DHRSX: variants seen among roughly 807,000 people sequenced by gnomAD.
DHRSX encodes the protein dehydrogenase/reductase X-linked.
A neutral mutation model predicts 34.0 loss-of-function variants in DHRSX; 31 were observed. The ratio of observed to expected loss-of-function variants is 0.91; its 90% confidence interval spans 0.69 to 1.23. The LOEUF is 1.23. DHRSX is among the 50% of genes most tolerant of loss of function. DHRSX has a pLI of 0.00. For missense variants in DHRSX, 414 were observed against 428.1 expected (o/e 0.97, Z 0.29); for synonymous variants, 201 against 183.8 (o/e 1.09, Z -0.76).
At chrX:2,273,927 G>A (rs1483234230) in intron 4 of DHRSX, among the ~76,000 whole-genome samples, 5 of 152,220 alleles carry the variant, frequency 3.3e-5, no homozygotes, top group South Asian at 2.1e-4. Context: ...GGGAAGCTGC[G>A]TGAGAATTCC....
At chrX:2,349,869 T>C (rs1310958987) in intron 3 of DHRSX, among the ~76,000 whole-genome samples, 1 of 142,756 alleles carries the variant, frequency 7.0e-6, no homozygotes, top group Non-Finnish European at 1.6e-5. Flanking sequence ...AAACCCCGTT[T>C]CCACTAAAAA....
chrX:2,256,388 C>T (rs1228931469), intron 5 of DHRSX, among the ~76,000 whole-genome samples: 4 of 151,516 alleles, frequency 2.6e-5, no homozygotes, highest in African/African-American at 9.7e-5. Context: ...CTCCACCTCC[C>T]GGGTTCAAAC....
chrX:2,476,678 C>A (rs987343816), intron 1 of DHRSX, among the ~76,000 whole-genome samples: 2 of 152,116 alleles, frequency 1.3e-5, no homozygotes, highest in African/African-American at 4.8e-5. Flanking sequence ...AGGTGGTGTA[C>A]ATACACCACA....
intron 1 of DHRSX, among the ~76,000 whole-genome samples, chrX:2,472,934 T>C (rs999347778): frequency 5.9e-5 from 9 of 152,036 alleles, no homozygotes; most frequent in African/African-American, 1.9e-4. Flanking sequence ...TTCCTTTCAG[T>C]GTAGAAGGTG....
At chrX:2,313,105 C>T (rs149216084) in intron 3 of DHRSX, among the ~76,000 whole-genome samples, 43 of 151,384 alleles carry the variant, frequency 2.8e-4, no homozygotes, top group African/African-American at 6.8e-4. Flanking sequence ...CAGGTTCAAG[C>T]GATTCTCTTG....
intron 3 of DHRSX, among the ~76,000 whole-genome samples, chrX:2,328,882 G>A (rs1207782392): frequency 2.0e-5 from 3 of 152,008 alleles, no homozygotes; most frequent in Admixed American, 6.6e-5. Context: ...CATAACCCCC[G>A]GAAGAGTGTT....
At chrX:2,480,820 A>G (rs1441087910) in intron 1 of DHRSX, among the ~76,000 whole-genome samples, 2 of 152,062 alleles carry the variant, frequency 1.3e-5, no homozygotes, top group African/African-American at 4.8e-5. Context: ...TGTCTCAAAA[A>G]AAATAAATTA....
At chrX:2,344,926 T>G (rs1277263756) in intron 3 of DHRSX, among the ~76,000 whole-genome samples, 1 of 139,708 alleles carries the variant, frequency 7.2e-6, no homozygotes, top group African/African-American at 2.6e-5. Context: ...CTGTATTTAT[T>G]TAATAAAATT....
chrX:2,402,396 C>G (rs1160806008), intron 3 of DHRSX, among the ~76,000 whole-genome samples: 2 of 152,268 alleles, frequency 1.3e-5, no homozygotes, highest in Admixed American at 1.3e-4. Flanking sequence ...GGAGGTGTGC[C>G]CAGGTCTCAG....
At chrX:2,361,294 A>G (rs1301541356) in intron 3 of DHRSX, among the ~76,000 whole-genome samples, 4 of 152,002 alleles carry the variant, frequency 2.6e-5, no homozygotes, top group African/African-American at 4.8e-5. Flanking sequence ...TTTAGTAGAG[A>G]TGGGATTTCA....
At chrX:2,349,260 G>C (rs1416100303) in intron 3 of DHRSX, among the ~76,000 whole-genome samples, 1 of 152,042 alleles carries the variant, frequency 6.6e-6, no homozygotes, top group Non-Finnish European at 1.5e-5. Context: ...GCGTTCAATA[G>C]ATGAATGGAT....
At position 2,469,429 on chromosome X, in the gene DHRSX, G is replaced by A. The variant is rs533985547; in HGVS notation, c.109+31388C>T. 3.0e-4 allele frequency among the ~76,000 whole-genome samples: 46 copies of A among 151,590 alleles called. No individual in the cohort carries two copies. In the South Asian group the frequency reaches 3.8e-3, roughly 12 times the overall value. Reference sequence around the variant, plus strand: ...AAGAATGCAGCCAAGCGACGGCACTGAAGACACTCCCTAGGCATGTGGCCA... The same window carrying A: ...AAGAATGCAGCCAAGCGACGGCACTAAAGACACTCCCTAGGCATGTGGCCA... On this transcript the variant is annotated intron_variant, in intron 1 of 6. Coordinates refer to ENST00000334651, the MANE Select transcript of DHRSX (RefSeq NM_145177.3).
At chrX:2,326,984 C>T (rs1207651180) in intron 3 of DHRSX, among the ~76,000 whole-genome samples, 3 of 151,740 alleles carry the variant, frequency 2.0e-5, no homozygotes, top group Non-Finnish European at 1.5e-5. Context: ...GCTAATTTTT[C>T]GTATTTTTAG....
intron 3 of DHRSX, among the ~76,000 whole-genome samples, chrX:2,341,409 G>T (rs141333419): frequency 3.3e-5 from 5 of 152,030 alleles, no homozygotes; most frequent in Non-Finnish European, 1.5e-5. Flanking sequence ...GCCTCTCCCA[G>T]CTCCTGGGGG....
At chrX:2,478,015 T>C (rs1352915631) in intron 1 of DHRSX, among the ~76,000 whole-genome samples, 1 of 152,186 alleles carries the variant, frequency 6.6e-6, no homozygotes, top group Non-Finnish European at 1.5e-5. Flanking sequence ...TCTGATAGGA[T>C]GGGGGCATCT....
intron 3 of DHRSX, among the ~76,000 whole-genome samples, chrX:2,375,362 T>G (rs1167643771): frequency 7.2e-6 from 1 of 138,048 alleles, no homozygotes; most frequent in Non-Finnish European, 1.7e-5. Flanking sequence ...CGTTCTTGGA[T>G]ATCATGGGCA....
At chrX:2,408,876 CAAA>C in intron 2 of DHRSX, 63 bp from the exon 3 acceptor site, 1 of 1,068,414 alleles carries the variant, frequency 9.4e-7, no homozygotes, top group Non-Finnish European at 1.3e-6. Flanking sequence ...CTATTAACTG[CAAA>C]AAAAAAAAGA....
At chrX:2,397,269 G>C (rs2043423725) in intron 3 of DHRSX, among the ~76,000 whole-genome samples, 1 of 152,068 alleles carries the variant, frequency 6.6e-6, no homozygotes. Context: ...CGAGTAGCTG[G>C]GACCACAGTG....
At chrX:2,375,616 C>CGGTT (rs1024429493) in intron 3 of DHRSX, among the ~76,000 whole-genome samples, 4 of 133,872 alleles carry the variant, frequency 3.0e-5, no homozygotes, top group Non-Finnish European at 5.3e-5. Context: ...GTTGGTTGGT[C>CGGTT]GGTTGGTTGG....
Sources: allele counts gnomAD v4.1 joint callset (sites outside exome capture counted in the v4.1 genomes callset), GRCh38; gene constraint gnomAD v4.1.1; transcripts MANE v1.5; gene names NCBI Gene and HGNC (gene_info 2026-07-23, HGNC 2026-07-21).